Variants in PADI4 observed in about 807,000 individuals in gnomAD.
PADI4 encodes protein-arginine deiminase type-4.
PADI4 carries 62 observed loss-of-function variants against 75.0 expected under a neutral mutation model. The observed-to-expected ratio is 0.83, with a 90% confidence interval of 0.67 to 1.02. The LOEUF (loss-of-function observed/expected upper bound fraction) is 1.02, where lower values mean the gene tolerates loss of function less well. Ranked by LOEUF, PADI4 falls within the 50% of genes least tolerant of loss-of-function variation. PADI4 has a pLI of 0.00. For synonymous variants in PADI4, 361 were observed against 348.1 expected, an observed-to-expected ratio of 1.04 and a Z score of -0.41; for missense variants, 845 against 850.5, an observed-to-expected ratio of 0.99 and a Z score of 0.08.
chr1:17,338,275 A>C lies in PADI4; in HGVS notation c.526+120A>C, dbSNP rs1635586. 1.3e-5 allele frequency: 9 copies of C among 679,920 alleles called. No individual in the cohort carries two copies. In the South Asian group the frequency reaches 1.4e-4, roughly 11 times the overall value. The allele number at this position is 679,920 out of a possible 1,614,324, so 42.1% of individuals were successfully genotyped here. ...TATTGAAAGCATCTTCTTGTTGGCA[A>C]ATCTGTTTTATAGGTGAAGCAATGG... On this transcript the variant is annotated intron_variant, in intron 5 of 15. Transcript: ENST00000375448.
At chr1:17,318,690 CT>C (rs11464953) in intron 1 of PADI4, among the ~76,000 whole-genome samples, 75 of 143,004 alleles carry the variant, frequency 5.2e-4, no homozygotes, top group Non-Finnish European at 5.4e-4. Context: ...GATTTTTTTT[CT>C]TTTTTTTTTT....
rs2074882491 is a variant in PADI4, at chr1:17,363,801, G to C, written c.*46G>C. On this transcript the variant is annotated 3_prime_UTR_variant, in exon 16 of 16. Coordinates refer to ENST00000375448, the MANE Select transcript of PADI4 (RefSeq NM_012387.3). Reference sequence around the variant, plus strand: ...TCTCCCTCCTGGCCAGATGTCGCTGGGTCCTCTGCAGTGTGGCAAGCAAGA... The same window carrying C: ...TCTCCCTCCTGGCCAGATGTCGCTGCGTCCTCTGCAGTGTGGCAAGCAAGA... The C allele has an allele frequency of 1.4e-6, 2 of 1,382,350 alleles. No individual in the cohort carries two copies. Among genetic ancestry groups the C allele is most frequent in the South Asian group, 1.2e-5 (1 of 84,656 alleles). 85.6% of individuals were successfully genotyped at this position (1,382,350 alleles called of 1,614,324 possible). A position where few individuals can be genotyped will look rare whatever the true frequency, so the allele number is the denominator to read the frequency against.
chr1:17,348,305 G>C (rs533305636), intron 10 of PADI4: 2 of 356,686 alleles, frequency 5.6e-6, no homozygotes, highest in Admixed American at 8.2e-5. Context: ...TGCCGAGGAG[G>C]TGGCTCAGGC....
At chr1:17,319,333 A>T (rs574212038) in intron 1 of PADI4, among the ~76,000 whole-genome samples, 3 of 152,328 alleles carry the variant, frequency 2.0e-5, no homozygotes, top group African/African-American at 7.2e-5. Flanking sequence ...TGGAAGGCCA[A>T]GATGGGAGGA....
Position 17,357,419 on chromosome 1 carries a change from G to A in PADI4, c.1558+960G>A, listed in dbSNP as rs528319034. On this transcript the variant is annotated intron_variant, in intron 13 of 15. Coordinates refer to ENST00000375448, the MANE Select transcript of PADI4 (RefSeq NM_012387.3). Reference sequence around the variant, plus strand: ...CCTGACCTGGTGATCCACCCACCTCGGCCTCCCAAAGTGCTGGGGTTACAG... The same window carrying A: ...CCTGACCTGGTGATCCACCCACCTCAGCCTCCCAAAGTGCTGGGGTTACAG... Among the ~76,000 whole-genome samples the A allele has an allele frequency of 2.6e-5, 4 of 151,820 alleles. No homozygotes were observed. In the East Asian group the frequency reaches 5.9e-4, roughly 22 times the overall value.
chr1:17,340,725 G>GTT (rs34686723), intron 6 of PADI4, among the ~76,000 whole-genome samples: 2,320 of 142,944 alleles, frequency 0.016, 30 homozygotes, highest in Non-Finnish European at 0.025. Context: ...CCATGGGAGG[G>GTT]TTTTTTTTTT....
At chr1:17,351,230 G>A (rs1224522495) in intron 10 of PADI4, among the ~76,000 whole-genome samples, 1 of 150,544 alleles carries the variant, frequency 6.6e-6, no homozygotes, top group Non-Finnish European at 1.5e-5. Context: ...AGAGCTACAG[G>A]GAAAGACAGA....
Position 17,356,137 on chromosome 1 carries a change from TG to T in PADI4, c.1455+15del. 1 of 1,613,090 alleles carries T rather than the reference TG, an allele frequency of 6.2e-7. No individual in the cohort carries two copies. The highest frequency in any genetic ancestry group is 1.1e-5 in the South Asian group (1 of 91,060). ...AGCACCCGACAGGAAGGTACAGTCT[TG>T]GGGGCTGCCTCAGGAAGCCATGCCT... On this transcript the variant is annotated intron_variant, in intron 12 of 15. Coordinates refer to ENST00000375448, the MANE Select transcript of PADI4 (RefSeq NM_012387.3). The surrounding 1 kb of genome is among the most constrained non-coding windows in gnomAD (Gnocchi z 4.1).
chr1:17,329,644 G>A (rs2074175710), intron 1 of PADI4, among the ~76,000 whole-genome samples: 1 of 152,142 alleles, frequency 6.6e-6, no homozygotes, highest in Non-Finnish European at 1.5e-5. Context: ...GAGGAGGAAG[G>A]AAATCAGAGT....
chr1:17,358,128 A>G (rs1021678091), intron 13 of PADI4, among the ~76,000 whole-genome samples: 3 of 151,432 alleles, frequency 2.0e-5, no homozygotes, highest in African/African-American at 7.3e-5. Flanking sequence ...CGCACCTGTA[A>G]TCCCAGCTAC....
chr1:17,321,447 C>A (rs2074031335), intron 1 of PADI4, among the ~76,000 whole-genome samples: 1 of 152,260 alleles, frequency 6.6e-6, no homozygotes, highest in Admixed American at 6.5e-5. Context: ...GTTTACTCAT[C>A]TGTAAAATGA....
intron 15 of PADI4, among the ~76,000 whole-genome samples, chr1:17,362,649 C>T (rs1476428249): frequency 6.6e-6 from 1 of 152,078 alleles, no homozygotes; most frequent in Admixed American, 6.6e-5. Context: ...AATCAATATA[C>T]CCATGTAATA....
intron 15 of PADI4, among the ~76,000 whole-genome samples, chr1:17,360,524 T>C (rs748834754): frequency 6.6e-6 from 1 of 152,204 alleles, no homozygotes; most frequent in Non-Finnish European, 1.5e-5. Flanking sequence ...AAGGGTGCTC[T>C]ATACAGGCTT....
Position 17,338,130 on chromosome 1 carries a change from G to A in PADI4, c.501G>A (p.Glu167=). ...TCGAATCTTCTGCCATGGACTGCGA[G>A]GATGATGAAGTGCTTGACAGCGAAG... The part of the protein sequence containing the change: ...DNLESSAMDC[E]DDEVLDSEDL... Residue 167 remains glutamate, a synonymous_variant, in exon 5 of 16, where the codon GAG becomes GAA. Coordinates refer to ENST00000375448, the MANE Select transcript of PADI4 (RefSeq NM_012387.3). 1.2e-6 allele frequency: 2 copies of A among 1,611,446 alleles called. No individual in the cohort carries two copies. Among genetic ancestry groups the A allele is most frequent in the Non-Finnish European group, 1.7e-6 (2 of 1,177,772 alleles).
chr1:17,344,388 C>T (rs2074478112), intron 8 of PADI4, among the ~76,000 whole-genome samples: 1 of 152,202 alleles, frequency 6.6e-6, no homozygotes, highest in Admixed American at 6.5e-5. Flanking sequence ...AAGAAAATCT[C>T]ATTTTCTGAG....
intron 10 of PADI4, among the ~76,000 whole-genome samples, chr1:17,351,157 T>C (rs61766763): frequency 0.041 from 3,053 of 73,586 alleles, 531 homozygotes; most frequent in Non-Finnish European, 0.065. Context: ...ATGATTGCAC[T>C]TCTGCACTCC....
intron 1 of PADI4, among the ~76,000 whole-genome samples, chr1:17,325,915 G>A (rs1366031369): frequency 1.3e-5 from 2 of 152,016 alleles, no homozygotes; most frequent in African/African-American, 4.8e-5. Flanking sequence ...CGTTGGCCAG[G>A]CTGGTCTCCA....
chr1:17,358,885 A>AGAGAACATAAT lies in PADI4; in HGVS notation c.1607_1617dup (p.Ser540GlufsTer18). On this transcript the variant is annotated frameshift_variant, in exon 14 of 16. Transcript: ENST00000375448. LOFTEE classifies it high-confidence loss of function. ...GAACATTCTGTCAAACAAGACATTG[A>AGAGAACATAAT]GAGAACATAATTCATTTGTGGAGGT... is the stretch of plus-strand genomic sequence containing the variant. 1 of 1,608,582 alleles carries AGAGAACATAAT rather than the reference A, an allele frequency of 6.2e-7. No homozygotes were observed. Among genetic ancestry groups the AGAGAACATAAT allele is most frequent in the Non-Finnish European group, 8.5e-7 (1 of 1,176,718 alleles).
intron 10 of PADI4, 62 bp downstream of exon 10, chr1:17,348,110 C>T (rs2074552732): frequency 1.9e-6 from 2 of 1,065,838 alleles, no homozygotes. Flanking sequence ...GAGACTCCCT[C>T]CTTTTAGCCT....
Sources: allele counts gnomAD v4.1 joint callset (sites outside exome capture counted in the v4.1 genomes callset), GRCh38; gene constraint gnomAD v4.1.1; non-coding constraint Gnocchi (gnomAD v3.1); transcripts MANE v1.5; gene names NCBI Gene and HGNC (gene_info 2026-07-23, HGNC 2026-07-21).